Variants in CELSR1 observed in about 807,000 individuals in gnomAD.
The protein encoded by CELSR1 is adhesion G protein-coupled receptor C1.
A neutral mutation model predicts 249.1 loss-of-function variants in CELSR1; 110 were observed. The observed-to-expected ratio is 0.44, with a 90% CI of 0.38 to 0.52. CELSR1 has a LOEUF of 0.52. CELSR1 is among the 20% of genes least tolerant of loss of function. The pLI, the probability that CELSR1 is intolerant of heterozygous loss-of-function variation, is 0.00. For synonymous variants in CELSR1, 2,113 were observed against 1,900.0 expected, an observed-to-expected ratio of 1.11 and a Z score of -2.92; for missense variants, 4,109 against 4,296.4, an observed-to-expected ratio of 0.96 and a Z score of 1.22.
At chr22:46,385,111 T>C (rs7287164) in intron 19 of CELSR1, among the ~76,000 whole-genome samples, 15,437 of 151,760 alleles carry the variant, frequency 0.1, 873 homozygotes, top group African/African-American at 0.15. Flanking sequence ...ATATTTATTT[T>C]TGAGACAGGA....
intron 1 of CELSR1, among the ~76,000 whole-genome samples, chr22:46,469,971 G>A (rs1474977327): frequency 2.4e-4 from 24 of 99,332 alleles, no homozygotes; most frequent in East Asian, 5.7e-4. Flanking sequence ...AAGAAAGGGA[G>A]GGAGGGAGGA....
chr22:46,468,545 C>T lies in CELSR1; in HGVS notation c.3545-4200G>A, dbSNP rs1354733599. Among the ~76,000 whole-genome samples, 1 of 152,070 alleles carries T rather than the reference C, an allele frequency of 6.6e-6. No homozygotes were observed. The highest frequency in any genetic ancestry group is 2.4e-5 in the African/African-American group (1 of 41,402). On this transcript the variant is annotated intron_variant, in intron 1 of 34. Transcript: ENST00000674500. The surrounding 1 kb of genome is among the most constrained non-coding windows in gnomAD (Gnocchi z 4.5). ...GTGAGGCTGCACTTACAGGAGGTCC[C>T]TAGAGGAGTTCGATTCATAGAGGCA...
At chr22:46,505,044 T>C (rs1018655766) in intron 1 of CELSR1, among the ~76,000 whole-genome samples, 12 of 151,714 alleles carry the variant, frequency 7.9e-5, no homozygotes, top group Non-Finnish European at 1.6e-4. Context: ...GGGCGGATCA[T>C]GAGGTCAGGA....
intron 25 of CELSR1, among the ~76,000 whole-genome samples, chr22:46,372,331 C>T (rs374871847): frequency 1.4e-5 from 2 of 147,902 alleles, no homozygotes; most frequent in East Asian, 2.0e-4. Flanking sequence ...CACTCACTCA[C>T]CCCATCTATC....
intron 1 of CELSR1, among the ~76,000 whole-genome samples, chr22:46,465,828 G>C (rs2080090607): frequency 6.6e-6 from 1 of 152,214 alleles, no homozygotes; most frequent in South Asian, 2.1e-4. Context: ...GAGGAAAACG[G>C]AGGCAGAAGC....
intron 1 of CELSR1, among the ~76,000 whole-genome samples, chr22:46,510,739 T>C (rs2080564961): frequency 6.6e-6 from 1 of 152,230 alleles, no homozygotes; most frequent in Non-Finnish European, 1.5e-5. Context: ...TGTGTGCTTA[T>C]CTTTGTGAAC....
At position 46,446,296 on chromosome 22, in the gene CELSR1, C is replaced by T. The variant is rs983576596; in HGVS notation, c.4184-6885G>A. 1.3e-5 allele frequency among the ~76,000 whole-genome samples: 2 copies of T among 152,218 alleles called. No individual in the cohort carries two copies. The highest frequency in any genetic ancestry group is 4.1e-4 in the South Asian group (2 of 4,828). On this transcript the variant is annotated intron_variant, in intron 2 of 34. Transcript: ENST00000674500. The surrounding 1 kb of genome is among the most constrained non-coding windows in gnomAD (Gnocchi z 5.5). ...CAGTGCCTGGAGGCCACCCGCATCCCCTGGCTGTACCTGTCCTCTGCCTCG... is the reference window on the plus strand; with the variant it reads ...CAGTGCCTGGAGGCCACCCGCATCCTCTGGCTGTACCTGTCCTCTGCCTCG...
intron 4 of CELSR1, among the ~76,000 whole-genome samples, chr22:46,435,299 T>TTG (rs2079646131): frequency 7.2e-6 from 1 of 139,028 alleles, no homozygotes; most frequent in African/African-American, 2.9e-5. Context: ...TTTTTTTTTT[T>TTG]GAGATGGAGT....
rs377135122 is a variant in CELSR1, at chr22:46,484,421, G to T, written c.3545-20076C>A. Among the ~76,000 whole-genome samples, 4 of 152,026 alleles carry T rather than the reference G, an allele frequency of 2.6e-5. No individual in the cohort carries two copies. The highest frequency in any genetic ancestry group is 6.6e-5 in the Admixed American group (1 of 15,250). On this transcript the variant is annotated intron_variant, in intron 1 of 34. Transcript: ENST00000674500. This position sits in a 1 kb window ranked among gnomAD's most constrained non-coding sequence, Gnocchi z 4.5. ...AACTTGGAGGAGCCACCCCTCCTAG[G>T]CCTGAAATGTGTCCCCACTCAGGGG...
chr22:46,495,999 C>G (rs4447702), intron 1 of CELSR1, among the ~76,000 whole-genome samples: 101,113 of 150,688 alleles, frequency 0.67, 34,880 homozygotes, highest in East Asian at 0.98. Context: ...TTCAAGACCA[C>G]CCTGGCCAAC....
At chr22:46,514,011 T>G (rs1310214971) in intron 1 of CELSR1, among the ~76,000 whole-genome samples, 1 of 152,044 alleles carries the variant, frequency 6.6e-6, no homozygotes, top group Admixed American at 6.6e-5. Flanking sequence ...GCCAGGATGG[T>G]CTCGATCTCC....
chr22:46,369,370 G>A (rs371029978), intron 26 of CELSR1, 112 bp from the exon 27 acceptor site: 2 of 906,510 alleles, frequency 2.2e-6, no homozygotes, highest in African/African-American at 3.3e-5. Flanking sequence ...TGGGTGAGGA[G>A]GACCCGAACC....
Position 46,362,952 on chromosome 22 carries a change from G to C in CELSR1, c.*271C>G. On this transcript the variant is annotated 3_prime_UTR_variant, in exon 35 of 35. Coordinates refer to ENST00000674500, the MANE Select transcript of CELSR1 (RefSeq NM_001378328.1). ...CTTAGGACTCAGCGGTGCTGGCCCA[G>C]TGGTCCACGCCTCCCTCATGCCTGT... The C allele has an allele frequency of 1.7e-6, 1 of 601,314 alleles. No individual in the cohort carries two copies. Among genetic ancestry groups the C allele is most frequent in the Non-Finnish European group, 2.9e-6 (1 of 343,156 alleles). The allele number at this position is 601,314 out of a possible 1,614,324, so 37.2% of individuals were successfully genotyped here.
At chr22:46,370,687 C>A (rs1056759346) in intron 25 of CELSR1, among the ~76,000 whole-genome samples, 2 of 152,182 alleles carry the variant, frequency 1.3e-5, no homozygotes, top group Admixed American at 6.5e-5. Context: ...GAAGAGATCC[C>A]AGCTCCCTCC....
rs769547189 is a variant in CELSR1 at position 46,394,198 on chromosome 22, C to A, written c.5908G>T (p.Val1970Phe). The change falls in exon 14 of 35, where the codon GTC (valine) becomes TTC (phenylalanine). Residue 1970 changes from valine to phenylalanine, a missense_variant. Coordinates refer to ENST00000674500, the MANE Select transcript of CELSR1 (RefSeq NM_001378328.1). Reference sequence around the variant, plus strand: ...CAGTCGGGATCAAAGCCTTTGCTGACGGCACAGTGGCAGGGTCCACAGACG... The same window carrying A: ...CAGTCGGGATCAAAGCCTTTGCTGAAGGCACAGTGGCAGGGTCCACAGACG... ...NPVCGPCHCA[V>F]SKGFDPDCNK... is the part of the protein sequence containing the mutation. 1.2e-6 allele frequency: 2 copies of A among 1,614,024 alleles called. No individual in the cohort carries two copies. Among genetic ancestry groups the A allele is most frequent in the East Asian group, 4.5e-5 (2 of 44,884 alleles).
chr22:46,482,238 T>C lies in CELSR1; in HGVS notation c.3545-17893A>G, dbSNP rs541629237. Among the ~76,000 whole-genome samples the C allele has an allele frequency of 3.3e-5, 5 of 152,150 alleles. No homozygotes were observed. In the South Asian group the frequency reaches 1.0e-3, roughly 32 times the overall value. Reference sequence around the variant, plus strand: ...CCAGCAACCTTAACCCACGAGAGTATCCTGGAGGATCTGGGTGGCCACAGG... The same window carrying C: ...CCAGCAACCTTAACCCACGAGAGTACCCTGGAGGATCTGGGTGGCCACAGG... On this transcript the variant is annotated intron_variant, in intron 1 of 34. Transcript: ENST00000674500.
At chr22:46,503,862 A>G (rs1179093639) in intron 1 of CELSR1, among the ~76,000 whole-genome samples, 3 of 127,092 alleles carry the variant, frequency 2.4e-5, no homozygotes, top group Non-Finnish European at 5.1e-5. Context: ...AAGACCTCTG[A>G]TAAAAACTAA....
chr22:46,386,699 GC>G, intron 18 of CELSR1, 114 bp from the exon 19 acceptor site: 1 of 815,402 alleles, frequency 1.2e-6, no homozygotes, highest in East Asian at 3.0e-5. Flanking sequence ...ATTCATTCCA[GC>G]CCTACACTTT....
At chr22:46,524,561 T>TGC (rs372855454) in intron 1 of CELSR1, among the ~76,000 whole-genome samples, 1 of 125,310 alleles carries the variant, frequency 8.0e-6, no homozygotes, top group African/African-American at 2.7e-5. Context: ...TGTGTGTGTG[T>TGC]GTGTGTGTGT....
Sources: allele counts gnomAD v4.1 joint callset (sites outside exome capture counted in the v4.1 genomes callset), GRCh38; gene constraint gnomAD v4.1.1; non-coding constraint Gnocchi (gnomAD v3.1); transcripts MANE v1.5; gene names NCBI Gene and HGNC (gene_info 2026-07-23, HGNC 2026-07-21).